The following HS6ST3 variants were observed in gnomAD, a reference collection of about 807,000 sequenced individuals.
The protein encoded by HS6ST3 is heparan-sulfate 6-O-sulfotransferase 3.
Under a neutral mutation model 36.7 loss-of-function variants are expected in HS6ST3, and 12 were observed. The observed-to-expected ratio is 0.33, with a 90% CI of 0.21 to 0.53. The LOEUF (loss-of-function observed/expected upper bound fraction) is 0.53, where lower values mean the gene tolerates loss of function less well. HS6ST3 is among the 20% of genes least tolerant of loss of function. The pLI, the probability that HS6ST3 is intolerant of heterozygous loss-of-function variation, is 0.95. For missense variants in HS6ST3, 584 were observed against 640.9 expected (o/e 0.91, Z 0.96); for synonymous variants, 240 against 257.5 (o/e 0.93, Z 0.65).
intron 1 of HS6ST3, among the ~76,000 whole-genome samples, chr13:96,302,872 C>T (rs750496025): frequency 7.2e-5 from 11 of 152,030 alleles, no homozygotes; most frequent in Non-Finnish European, 1.6e-4. Flanking sequence ...ATAATTTTAT[C>T]CTAGAACAGG....
At chr13:96,376,845 G>T (rs7317903) in intron 1 of HS6ST3, among the ~76,000 whole-genome samples, 2 of 151,970 alleles carry the variant, frequency 1.3e-5, no homozygotes, top group Non-Finnish European at 1.5e-5. Flanking sequence ...GGTGGGCAAG[G>T]TAGCTCATGC....
rs534098614 is a variant in HS6ST3, at chr13:96,718,610, G to C, written c.708-113880G>C. ...ATAAAGGTTATAAAATTGAACTTAT[G>C]ACCTACACCTAGTTTCATAAAATAC... is the stretch of plus-strand genomic sequence containing the variant. On this transcript the variant is annotated intron_variant, in intron 1 of 1. Transcript: ENST00000376705. Among the ~76,000 whole-genome samples the C allele has an allele frequency of 3.9e-5, 6 of 152,298 alleles. No homozygotes were observed. The East Asian group carries it at 9.7e-4, about 25-fold the overall frequency.
At chr13:96,188,300 T>C (rs1216593012) in intron 1 of HS6ST3, among the ~76,000 whole-genome samples, 4 of 152,192 alleles carry the variant, frequency 2.6e-5, no homozygotes, top group Admixed American at 6.5e-5. Flanking sequence ...TTAATTTTAA[T>C]TTATATGTAA....
At chr13:96,831,953 T>TGAAAAAAAAAAAA (rs1878794767) in intron 1 of HS6ST3, among the ~76,000 whole-genome samples, 1 of 4,238 alleles carries the variant, frequency 2.4e-4, no homozygotes, top group Non-Finnish European at 3.3e-4. Flanking sequence ...AGACTCCCTC[T>TGAAAAAAAAAAAA]CAAAAAAAAA....
intron 1 of HS6ST3, among the ~76,000 whole-genome samples, chr13:96,233,516 C>G (rs1170017088): frequency 1.3e-5 from 2 of 151,936 alleles, no homozygotes; most frequent in East Asian, 3.9e-4. Flanking sequence ...TTGAAGAGTT[C>G]CAGCAAAATA....
chr13:96,684,968 A>G (rs977401447), intron 1 of HS6ST3, among the ~76,000 whole-genome samples: 1 of 152,128 alleles, frequency 6.6e-6, no homozygotes, highest in African/African-American at 2.4e-5. Flanking sequence ...ACACAACACA[A>G]ACATATTTGT....
chr13:96,192,937 G>T (rs1393168623), intron 1 of HS6ST3, among the ~76,000 whole-genome samples: 1 of 152,112 alleles, frequency 6.6e-6, no homozygotes, highest in Non-Finnish European at 1.5e-5. Flanking sequence ...TGAGCTCTCT[G>T]AGAAGTATTA....
intron 1 of HS6ST3, among the ~76,000 whole-genome samples, chr13:96,450,521 T>C (rs2055722506): frequency 6.6e-6 from 1 of 152,212 alleles, no homozygotes; most frequent in African/African-American, 2.4e-5. Context: ...CTAGCTGGGA[T>C]TTCAATGACT....
chr13:96,592,984 G>T (rs1426002315), intron 1 of HS6ST3, among the ~76,000 whole-genome samples: 1 of 151,802 alleles, frequency 6.6e-6, no homozygotes, highest in African/African-American at 2.4e-5. Flanking sequence ...TTTCTCTAGG[G>T]TTGGGAAGTT....
chr13:96,195,219 T>G (rs1158747483), intron 1 of HS6ST3, among the ~76,000 whole-genome samples: 1 of 152,220 alleles, frequency 6.6e-6, no homozygotes, highest in African/African-American at 2.4e-5. Context: ...GGAAATTATA[T>G]TATTTGAGGA....
At chr13:96,200,120 T>C (rs1594713695) in intron 1 of HS6ST3, among the ~76,000 whole-genome samples, 1 of 152,166 alleles carries the variant, frequency 6.6e-6, no homozygotes. Context: ...TTTGCAAAGA[T>C]CATTCAGCTG....
intron 1 of HS6ST3, among the ~76,000 whole-genome samples, chr13:96,118,069 A>C (rs147611411): frequency 6.6e-6 from 1 of 151,880 alleles, no homozygotes; most frequent in African/African-American, 2.4e-5. Context: ...ATGGGGTTTT[A>C]CTATGTTGGC....
At chr13:96,530,930 T>C (rs570052196) in intron 1 of HS6ST3, among the ~76,000 whole-genome samples, 1 of 152,340 alleles carries the variant, frequency 6.6e-6, no homozygotes, top group South Asian at 2.1e-4. Context: ...CTGATGATTC[T>C]GCATTTCTGA....
chr13:96,633,673 G>T lies in HS6ST3; in HGVS notation c.708-198817G>T, dbSNP rs1454211551. 2.0e-5 allele frequency among the ~76,000 whole-genome samples: 3 copies of T among 152,222 alleles called. No homozygotes were observed. In the East Asian group the frequency reaches 5.8e-4, roughly 30 times the overall value. ...TGTTACCCCAAATATACATGTAAAT[G>T]TGGAAGTGGATCTTATGGATTGAAC... is the stretch of plus-strand genomic sequence containing the variant. On this transcript the variant is annotated intron_variant, in intron 1 of 1. Coordinates refer to ENST00000376705, the MANE Select transcript of HS6ST3 (RefSeq NM_153456.4).
intron 1 of HS6ST3, among the ~76,000 whole-genome samples, chr13:96,330,066 C>T (rs924780138): frequency 1.1e-4 from 16 of 146,446 alleles, no homozygotes; most frequent in African/African-American, 3.0e-4. Context: ...TATTTTGAGC[C>T]TATGTGTGTC....
intron 1 of HS6ST3, 100 bp from the exon 2 acceptor site, chr13:96,832,390 A>G (rs1878820424): frequency 1.2e-6 from 1 of 826,640 alleles, no homozygotes; most frequent in East Asian, 2.7e-5. Context: ...AACATTTGGC[A>G]AAGAGTCCCT....
At chr13:96,703,317 G>A (rs1276178494) in intron 1 of HS6ST3, among the ~76,000 whole-genome samples, 2 of 152,172 alleles carry the variant, frequency 1.3e-5, no homozygotes, top group Non-Finnish European at 2.9e-5. Flanking sequence ...TTAACAAATG[G>A]CACTGAGAAT....
intron 1 of HS6ST3, among the ~76,000 whole-genome samples, chr13:96,383,539 C>T (rs182806535): frequency 6.6e-6 from 1 of 152,306 alleles, no homozygotes; most frequent in East Asian, 1.9e-4. Flanking sequence ...GTTTCTGGAA[C>T]AATGAACCAC....
chr13:96,814,712 C>T (rs554540013), intron 1 of HS6ST3, among the ~76,000 whole-genome samples: 1 of 152,132 alleles, frequency 6.6e-6, no homozygotes, highest in East Asian at 1.9e-4. Context: ...TGTCTTTCCC[C>T]TTCCCTTTCA....
Sources: allele counts gnomAD v4.1 joint callset (sites outside exome capture counted in the v4.1 genomes callset), GRCh38; gene constraint gnomAD v4.1.1; transcripts MANE v1.5; gene names NCBI Gene and HGNC (gene_info 2026-07-23, HGNC 2026-07-21).